The following MCC variants were observed in gnomAD, a reference collection of about 807,000 sequenced individuals.
MCC encodes MCC regulator of Wnt signaling pathway.
A neutral mutation model predicts 116.2 loss-of-function variants in MCC; 90 were observed. The observed-to-expected ratio is 0.77, with a 90% CI of 0.65 to 0.92. The LOEUF is 0.92. Among genes scored for constraint, MCC ranks in the 40% least tolerant of loss-of-function variants. The probability of loss-of-function intolerance (pLI) is 0.00; values close to 1 mark genes in which losing one functional copy is unlikely to be tolerated. For missense variants in MCC, 1,516 were observed against 1,312.2 expected (o/e 1.16, Z -2.40); for synonymous variants, 578 against 510.5 (o/e 1.13, Z -1.78).
intron 1 of MCC, among the ~76,000 whole-genome samples, chr5:113,487,749 A>C (rs948150008): frequency 5.3e-5 from 8 of 152,250 alleles, no homozygotes; most frequent in African/African-American, 1.9e-4. Flanking sequence ...GTTCTGCGGC[A>C]CAAGAAAGTT....
intron 3 of MCC, among the ~76,000 whole-genome samples, chr5:113,173,467 T>C (rs1010639238): frequency 6.6e-6 from 1 of 152,174 alleles, no homozygotes; most frequent in Non-Finnish European, 1.5e-5. Flanking sequence ...TTATTAAAAA[T>C]AATATTTTAG....
chr5:113,397,841 G>A (rs2150397550), intron 1 of MCC, among the ~76,000 whole-genome samples: 1 of 152,230 alleles, frequency 6.6e-6, no homozygotes, highest in South Asian at 2.1e-4. Flanking sequence ...TGACAAGTGG[G>A]ACCTAATTAA....
intron 3 of MCC, among the ~76,000 whole-genome samples, chr5:113,275,891 TAA>T (rs369985359): frequency 2.6e-4 from 39 of 151,950 alleles, no homozygotes; most frequent in African/African-American, 8.4e-4. Flanking sequence ...GCTGTATATG[TAA>T]AAGAGTCATA....
At chr5:113,079,508 T>C (rs1268223233) in intron 11 of MCC, among the ~76,000 whole-genome samples, 2 of 152,020 alleles carry the variant, frequency 1.3e-5, no homozygotes, top group Admixed American at 6.5e-5. Context: ...ATACCGCACA[T>C]CTACAACCAT....
intron 3 of MCC, among the ~76,000 whole-genome samples, chr5:113,313,496 G>A (rs866633512): frequency 5.9e-5 from 9 of 152,162 alleles, no homozygotes; most frequent in African/African-American, 1.9e-4. Flanking sequence ...ATCTGATAGC[G>A]GTGGTTGGGG....
intron 1 of MCC, among the ~76,000 whole-genome samples, chr5:113,392,005 T>C (rs1022319630): frequency 3.3e-5 from 5 of 152,226 alleles, no homozygotes; most frequent in Admixed American, 6.5e-5. Flanking sequence ...TAATTTGAGA[T>C]ATGACAAAGA....
At chr5:113,215,837 G>A (rs1290928053) in intron 3 of MCC, among the ~76,000 whole-genome samples, 1 of 151,548 alleles carries the variant, frequency 6.6e-6, no homozygotes, top group African/African-American at 2.4e-5. Context: ...CTATCTCCAG[G>A]CCAAGTTGAA....
chr5:113,279,943 G>T (rs922496183), intron 3 of MCC, among the ~76,000 whole-genome samples: 1 of 152,214 alleles, frequency 6.6e-6, no homozygotes, highest in African/African-American at 2.4e-5. Flanking sequence ...TTCACTAGAA[G>T]TATTTCAACA....
At chr5:113,250,731 G>A (rs1764767390) in intron 3 of MCC, among the ~76,000 whole-genome samples, 1 of 152,112 alleles carries the variant, frequency 6.6e-6, no homozygotes, top group South Asian at 2.1e-4. Context: ...GACAAAGACG[G>A]CCAATGCTGG....
intron 3 of MCC, among the ~76,000 whole-genome samples, chr5:113,292,625 G>C (rs1561510836): frequency 2.0e-5 from 3 of 152,110 alleles, no homozygotes; most frequent in African/African-American, 2.4e-5. Flanking sequence ...CACATTCTCT[G>C]CTCACCCAAT....
Position 113,139,188 on chromosome 5 carries a change from C to A in MCC, c.884+4030G>T, listed in dbSNP as rs1308943811. On this transcript the variant is annotated intron_variant, in intron 5 of 18. Transcript: ENST00000408903. ...GTTTGTTCAGTGGTACCAAGGACCC[C>A]ATTTTAAGGACATTATCTCCCAGTC... Among the ~76,000 whole-genome samples, 6 of 152,096 alleles carry A rather than the reference C, an allele frequency of 3.9e-5. No homozygotes were observed. In the East Asian group the frequency reaches 7.7e-4, roughly 20 times the overall value.
chr5:113,180,064 T>C (rs941434184), intron 3 of MCC, among the ~76,000 whole-genome samples: 3 of 152,172 alleles, frequency 2.0e-5, no homozygotes, highest in African/African-American at 7.2e-5. Context: ...CCATGGAGAA[T>C]GAATACAGTG....
At chr5:113,247,115 C>A (rs1183382296) in intron 3 of MCC, among the ~76,000 whole-genome samples, 1 of 152,162 alleles carries the variant, frequency 6.6e-6, no homozygotes, top group Admixed American at 6.5e-5. Context: ...AAGACATGAC[C>A]CCTGCCCTGG....
intron 6 of MCC, among the ~76,000 whole-genome samples, chr5:113,117,115 T>C (rs776567753): frequency 6.6e-6 from 1 of 152,240 alleles, no homozygotes; most frequent in African/African-American, 2.4e-5. Flanking sequence ...GCCTTACCTG[T>C]GTAAACACAT....
intron 14 of MCC, among the ~76,000 whole-genome samples, chr5:113,059,384 G>A (rs1561765508): frequency 6.6e-6 from 1 of 152,180 alleles, no homozygotes; most frequent in Non-Finnish European, 1.5e-5. Context: ...TGGTAGGGGA[G>A]GGGAAGCCAC....
At chr5:113,110,664 T>C (rs1327471442) in intron 6 of MCC, among the ~76,000 whole-genome samples, 1 of 152,244 alleles carries the variant, frequency 6.6e-6, no homozygotes, top group Non-Finnish European at 1.5e-5. Context: ...TCTTCAAAGC[T>C]GTCTGATAAG....
intron 1 of MCC, among the ~76,000 whole-genome samples, chr5:113,442,769 T>C (rs1375850834): frequency 2.0e-5 from 3 of 152,198 alleles, no homozygotes; most frequent in Non-Finnish European, 4.4e-5. Flanking sequence ...CTTTCCCCAT[T>C]GCTTGCTTGT....
At chr5:113,028,312 T>A (rs184114070) in intron 18 of MCC, among the ~76,000 whole-genome samples, 17 of 152,248 alleles carry the variant, frequency 1.1e-4, no homozygotes, top group Admixed American at 5.9e-4. Flanking sequence ...ATTAAAGATT[T>A]GCAGAATTGT....
intron 6 of MCC, among the ~76,000 whole-genome samples, chr5:113,120,821 A>G (rs779493277): frequency 7.9e-5 from 12 of 152,236 alleles, no homozygotes; most frequent in Admixed American, 2.0e-4. Flanking sequence ...GCTTTTCTTC[A>G]GCCCAGGTCT....
Sources: allele counts gnomAD v4.1 joint callset (sites outside exome capture counted in the v4.1 genomes callset), GRCh38; gene constraint gnomAD v4.1.1; transcripts MANE v1.5; gene names NCBI Gene and HGNC (gene_info 2026-07-23, HGNC 2026-07-21).